The following DTNA variants were observed in gnomAD, a reference collection of about 807,000 sequenced individuals.
DTNA encodes the protein dystrophin-related protein 3.
Under a neutral mutation model 100.7 loss-of-function variants are expected in DTNA, and 43 were observed. The ratio of observed to expected loss-of-function variants is 0.43; its 90% confidence interval spans 0.33 to 0.55. DTNA has a LOEUF of 0.55. Among genes scored for constraint, DTNA ranks in the 20% least tolerant of loss-of-function variants. The probability of loss-of-function intolerance (pLI) is 0.04; values close to 1 mark genes in which losing one functional copy is unlikely to be tolerated. For synonymous variants in DTNA, 349 were observed against 347.9 expected, an observed-to-expected ratio of 1.00 and a Z score of -0.04; for missense variants, 798 against 953.9, an observed-to-expected ratio of 0.84 and a Z score of 2.15.
At chr18:34,736,490 A>G (rs528293247) in intron 1 of DTNA, among the ~76,000 whole-genome samples, 3 of 152,352 alleles carry the variant, frequency 2.0e-5, no homozygotes, top group Admixed American at 2.0e-4. Flanking sequence ...ATGGAGTCAC[A>G]GATAAGAAGA....
chr18:34,659,962 A>G (rs972857194), intron 1 of DTNA, among the ~76,000 whole-genome samples: 3 of 152,230 alleles, frequency 2.0e-5, no homozygotes, highest in African/African-American at 7.2e-5. Context: ...CAACTCAAAA[A>G]CTGTTTTCAA....
intron 1 of DTNA, among the ~76,000 whole-genome samples, chr18:34,662,481 G>A (rs1021301580): frequency 1.3e-5 from 2 of 152,112 alleles, no homozygotes; most frequent in Admixed American, 6.6e-5. Context: ...ACTGAGAAAT[G>A]TCTCTCATGA....
At chr18:34,556,069 A>G (rs1171940875) in intron 1 of DTNA, among the ~76,000 whole-genome samples, 1 of 151,220 alleles carries the variant, frequency 6.6e-6, no homozygotes, top group African/African-American at 2.4e-5. Context: ...TTGGGTGCAT[A>G]TATATTTAGG....
chr18:34,586,502 T>A (rs1189216139), intron 1 of DTNA, among the ~76,000 whole-genome samples: 3 of 152,106 alleles, frequency 2.0e-5, no homozygotes, highest in African/African-American at 7.2e-5. Flanking sequence ...GCCACCCGTC[T>A]TGGACTTCCC....
chr18:34,688,419 A>T (rs2079222243), intron 1 of DTNA, among the ~76,000 whole-genome samples: 1 of 152,234 alleles, frequency 6.6e-6, no homozygotes, highest in African/African-American at 2.4e-5. Context: ...TTGGCTAGAT[A>T]TGAAATTCTG....
intron 1 of DTNA, among the ~76,000 whole-genome samples, chr18:34,523,320 A>ATATAT (rs2042315668): frequency 1.3e-5 from 2 of 152,222 alleles, no homozygotes; most frequent in African/African-American, 4.8e-5. Context: ...CTAACTGCTG[A>ATATAT]AGGTGACTAT....
chr18:34,766,478 A>G (rs952917249), intron 3 of DTNA, among the ~76,000 whole-genome samples: 1 of 21,164 alleles, frequency 4.7e-5, no homozygotes. Context: ...GAACTGAACA[A>G]TGAGAACACA....
intron 1 of DTNA, among the ~76,000 whole-genome samples, chr18:34,603,712 C>G (rs544948063): frequency 2.6e-5 from 4 of 152,138 alleles, no homozygotes; most frequent in Admixed American, 2.0e-4. Context: ...TCCATTTTAC[C>G]TATTTCATTC....
At chr18:34,665,115 C>A (rs985812581) in intron 1 of DTNA, among the ~76,000 whole-genome samples, 1 of 151,926 alleles carries the variant, frequency 6.6e-6, no homozygotes, top group Non-Finnish European at 1.5e-5. Context: ...TAGAAATGCA[C>A]CACTAAAGGG....
intron 1 of DTNA, among the ~76,000 whole-genome samples, chr18:34,556,434 G>C (rs1204621524): frequency 1.3e-5 from 2 of 150,576 alleles, no homozygotes; most frequent in Middle Eastern, 6.9e-3. Context: ...TGGTGATTTT[G>C]CTCGTTAGTT....
At chr18:34,821,279 G>A (rs985617587) in intron 9 of DTNA, among the ~76,000 whole-genome samples, 3 of 152,166 alleles carry the variant, frequency 2.0e-5, no homozygotes, top group African/African-American at 7.2e-5. Flanking sequence ...TGTGCTTTGA[G>A]TTCCAAATAT....
chr18:34,883,693 TA>T (rs1207193757), intron 21 of DTNA, among the ~76,000 whole-genome samples: 1 of 152,216 alleles, frequency 6.6e-6, no homozygotes, highest in Non-Finnish European at 1.5e-5. Flanking sequence ...AATTATCTCC[TA>T]TTTCTCATAT....
intron 3 of DTNA, among the ~76,000 whole-genome samples, chr18:34,782,186 G>A (rs1245881079): frequency 2.0e-5 from 3 of 152,214 alleles, no homozygotes; most frequent in Non-Finnish European, 4.4e-5. Context: ...TGAGAACCCA[G>A]TTTGAACAAG....
Position 34,592,467 on chromosome 18 carries a change from A to AACACACACACACACACAC in DTNA, c.-2+98975_-2+98992dup, listed in dbSNP as rs3078085. The stretch of plus-strand genomic sequence containing the variant: ...TCTTCTTTTAGATATACACTTGTAT[A>AACACACACACACACACAC]ACACACACACACACACACACACACA... On this transcript the variant is annotated intron_variant, in intron 1 of 19. Coordinates refer to the DTNA transcript ENST00000283365. 4.3e-3 allele frequency among the ~76,000 whole-genome samples: 606 copies of AACACACACACACACACAC among 139,500 alleles called. 4 individuals carry two copies. Among genetic ancestry groups the AACACACACACACACACAC allele is most frequent in the African/African-American group, 0.011 (381 of 35,806 alleles). The allele number at this position is 139,500 out of a possible 152,430, so 91.5% of individuals were successfully genotyped here.
intron 1 of DTNA, chr18:34,493,570 G>C (rs1156382614): frequency 6.6e-6 from 1 of 151,320 alleles, no homozygotes; most frequent in African/African-American, 2.4e-5. Context: ...GGGCGCGGGG[G>C]TGGAGGGGGT....
At chr18:34,795,454 G>A (rs942208303) in intron 4 of DTNA, among the ~76,000 whole-genome samples, 1 of 152,184 alleles carries the variant, frequency 6.6e-6, no homozygotes, top group Admixed American at 6.5e-5. Flanking sequence ...ACTTCAGAAC[G>A]AGATGTACAG....
At chr18:34,866,337 A>G in intron 17 of DTNA, 1 of 1,427,712 alleles carries the variant, frequency 7.0e-7, no homozygotes, top group Non-Finnish European at 9.1e-7. Flanking sequence ...TACTATCCAC[A>G]TCAAAAGAAG....
chr18:34,634,219 C>T (rs1246601512), intron 1 of DTNA, among the ~76,000 whole-genome samples: 1 of 152,146 alleles, frequency 6.6e-6, no homozygotes, highest in Non-Finnish European at 1.5e-5. Context: ...CATTTCTGTA[C>T]GTTAGCTATT....
intron 12 of DTNA, among the ~76,000 whole-genome samples, 175 bp from the exon 13 acceptor site, chr18:34,838,570 G>C (rs1401274273): frequency 6.6e-6 from 1 of 152,088 alleles, no homozygotes; most frequent in Non-Finnish European, 1.5e-5. Flanking sequence ...ATCGAATTGT[G>C]GATTTCATTG....
Sources: gnomAD v4.1 joint callset for allele counts (sites outside exome capture counted in the v4.1 genomes callset) on GRCh38, gnomAD v4.1.1 for gene constraint, MANE v1.5 for transcripts, NCBI Gene and HGNC (gene_info 2026-07-23, HGNC 2026-07-21) for gene names.